The following NME7 variants were observed in gnomAD, a reference collection of about 807,000 sequenced individuals.
The protein encoded by NME7 is NME/NM23 family member 7, also known as nucleoside diphosphate kinase 7.
NME7 carries 41 observed loss-of-function variants against 49.1 expected under a neutral mutation model. That is an observed-to-expected ratio of 0.83 (90% CI 0.65 to 1.08). The LOEUF (loss-of-function observed/expected upper bound fraction) is 1.08. NME7 is among the 50% of genes least tolerant of loss of function. The pLI is 0.00. For synonymous variants in NME7, 139 were observed against 150.6 expected, an observed-to-expected ratio of 0.92 and a Z score of 0.56; for missense variants, 423 against 463.4, an observed-to-expected ratio of 0.91 and a Z score of 0.80.
At chr1:169,143,273 C>CA (rs1658655122) in intron 11 of NME7, among the ~76,000 whole-genome samples, 1 of 98,178 alleles carries the variant, frequency 1.0e-5, no homozygotes, top group Admixed American at 1.1e-4. Flanking sequence ...TCACCTCAGG[C>CA]TTTTTTTTTT....
At chr1:169,203,148 ACACATGTG>A (rs1350780835) in intron 10 of NME7, among the ~76,000 whole-genome samples, 2 of 152,122 alleles carry the variant, frequency 1.3e-5, no homozygotes, top group Non-Finnish European at 2.9e-5. Context: ...CCATCCCCTG[ACACATGTG>A]CAGTAAGGGG....
chr1:169,232,907 CTTTT>C (rs1225324077), intron 9 of NME7, among the ~76,000 whole-genome samples: 1 of 84,512 alleles, frequency 1.2e-5, no homozygotes, highest in Non-Finnish European at 2.6e-5. Context: ...CTGTTGTTTT[CTTTT>C]CTTTTTTTTT....
In NME7 at chr1:169,299,493, G is replaced by C. The variant is rs137906481; in HGVS notation, c.441-730C>G. On this transcript the variant is annotated intron_variant, in intron 5 of 11. Transcript: ENST00000367811. ...AATGACAAGTTTAACTATGAAATAA[G>C]TGACATCCTCCCTCTGACTATATTA... Among the ~76,000 whole-genome samples, 209 of 152,162 alleles carry C rather than the reference G, an allele frequency of 1.4e-3. 2 individuals carry two copies. Among genetic ancestry groups the C allele is most frequent in the African/African-American group, 4.8e-3 (198 of 41,516 alleles).
Position 169,256,228 on chromosome 1 carries a change from C to T in NME7, c.755-18541G>A, listed in dbSNP as rs2101855632. ...ATCAGACGTAGATTTGGTCTTTTCA[C>T]ATAGTCCCATATTTCTTGGAGGCTT... On this transcript the variant is annotated intron_variant, in intron 7 of 11. Coordinates refer to ENST00000367811, the MANE Select transcript of NME7 (RefSeq NM_013330.5). 1.5e-5 allele frequency among the ~76,000 whole-genome samples: 2 copies of T among 133,534 alleles called. 1 individual carries two copies. Among genetic ancestry groups the T allele is most frequent in the South Asian group, 4.6e-4 (2 of 4,312 alleles). The allele number at this position is 133,534 out of a possible 152,430, so 87.6% of individuals were successfully genotyped here.
chr1:169,340,704 T>C (rs1652656613), intron 1 of NME7, among the ~76,000 whole-genome samples: 1 of 152,198 alleles, frequency 6.6e-6, no homozygotes, highest in Non-Finnish European at 1.5e-5. Context: ...CAGATGAAGA[T>C]GAGAAACTTA....
intron 10 of NME7, among the ~76,000 whole-genome samples, chr1:169,177,836 T>A (rs1458003539): frequency 7.8e-6 from 1 of 128,248 alleles, no homozygotes; most frequent in East Asian, 4.3e-4. Flanking sequence ...ATTCTCTTTT[T>A]TTGTTTTTTG....
chr1:169,302,790 T>TA (rs1651000088), intron 5 of NME7, among the ~76,000 whole-genome samples: 1 of 151,830 alleles, frequency 6.6e-6, no homozygotes, highest in Admixed American at 6.6e-5. Context: ...AAATAAAAAT[T>TA]AAAAAAATTA....
intron 7 of NME7, among the ~76,000 whole-genome samples, chr1:169,250,668 TG>T (rs1648528751): frequency 6.6e-6 from 1 of 152,148 alleles, no homozygotes; most frequent in African/African-American, 2.4e-5. Flanking sequence ...TTTGATAACT[TG>T]TGTCAATATT....
At chr1:169,249,815 C>T (rs1277283126) in intron 7 of NME7, among the ~76,000 whole-genome samples, 1 of 151,962 alleles carries the variant, frequency 6.6e-6, no homozygotes, top group Admixed American at 6.6e-5. Context: ...TCCCTGCATC[C>T]CTGGAATGAA....
At chr1:169,285,745 A>G (rs1650254668) in intron 7 of NME7, 1 of 152,162 alleles carries the variant, frequency 6.6e-6, no homozygotes, top group African/African-American at 2.4e-5. Context: ...ATAATGGTAT[A>G]TTCTCCATAA....
At chr1:169,181,757 T>G (rs1659938256) in intron 10 of NME7, among the ~76,000 whole-genome samples, 1 of 152,184 alleles carries the variant, frequency 6.6e-6, no homozygotes, top group Non-Finnish European at 1.5e-5. Flanking sequence ...ACACTGATAT[T>G]CTCCTAATTG....
chr1:169,199,645 T>C (rs993321175), intron 10 of NME7, among the ~76,000 whole-genome samples: 7 of 151,954 alleles, frequency 4.6e-5, no homozygotes, highest in African/African-American at 1.4e-4. Context: ...CACTTTGCTA[T>C]ACTTGTTGGT....
chr1:169,153,914 C>T (rs905030922), intron 11 of NME7, among the ~76,000 whole-genome samples: 7 of 151,780 alleles, frequency 4.6e-5, no homozygotes, highest in African/African-American at 1.5e-4. Context: ...TCTGTTGCCC[C>T]GACTGGTCTT....
chr1:169,262,909 T>G (rs562279123), intron 7 of NME7, among the ~76,000 whole-genome samples: 1 of 133,568 alleles, frequency 7.5e-6, no homozygotes, highest in Non-Finnish European at 1.8e-5. Context: ...GTCACTCAAC[T>G]GCAGCCCCAG....
chr1:169,178,649 C>T (rs1659834169), intron 10 of NME7, among the ~76,000 whole-genome samples: 3 of 152,116 alleles, frequency 2.0e-5, no homozygotes, highest in Non-Finnish European at 1.5e-5. Flanking sequence ...GCTGAACTCT[C>T]AGTGATATTC....
chr1:169,223,983 G>A (rs1661225236), intron 10 of NME7, among the ~76,000 whole-genome samples: 1 of 152,042 alleles, frequency 6.6e-6, no homozygotes, highest in Admixed American at 6.6e-5. Context: ...AGAGAAATCT[G>A]GCTCCTATTG....
intron 11 of NME7, among the ~76,000 whole-genome samples, chr1:169,164,393 C>T (rs1659344393): frequency 6.6e-6 from 1 of 152,088 alleles, no homozygotes; most frequent in Non-Finnish European, 1.5e-5. Context: ...CATGAGCAAA[C>T]AGACACTGTG....
At chr1:169,293,802 T>A (rs1041641328) in intron 6 of NME7, among the ~76,000 whole-genome samples, 1 of 152,154 alleles carries the variant, frequency 6.6e-6, no homozygotes, top group African/African-American at 2.4e-5. Context: ...TACTGACTCT[T>A]CCCATTCATA....
chr1:169,253,768 A>G (rs866953167), intron 7 of NME7, among the ~76,000 whole-genome samples: 2,184 of 152,166 alleles, frequency 0.014, 46 homozygotes, highest in African/African-American at 0.047. Context: ...AGTTTTTAGC[A>G]TAAAGGGTTG....
Sources: gnomAD v4.1 joint callset for allele counts (sites outside exome capture counted in the v4.1 genomes callset) on GRCh38, gnomAD v4.1.1 for gene constraint, MANE v1.5 for transcripts, NCBI Gene and HGNC (gene_info 2026-07-23, HGNC 2026-07-21) for gene names.